The following ZNF638 variants were observed in gnomAD, a reference collection of about 807,000 sequenced individuals.
The protein encoded by ZNF638 is zinc finger protein 638, also known as CTCL tumor antigen se33-1.
A neutral mutation model predicts 195.6 loss-of-function variants in ZNF638; 46 were observed. The ratio of observed to expected loss-of-function variants is 0.24; its 90% CI spans 0.19 to 0.30. ZNF638 has a LOEUF of 0.30. Ranked by LOEUF, ZNF638 falls within the 10% of genes least tolerant of loss-of-function variation. ZNF638 has a pLI of 1.00. For missense variants in ZNF638, 2,440 were observed against 2,325.3 expected, an observed-to-expected ratio of 1.05 and a Z score of -1.01; for synonymous variants, 845 against 772.0, an observed-to-expected ratio of 1.09 and a Z score of -1.57.
chr2:71,388,551 C>T (rs2079696544), intron 10 of ZNF638: 7 of 735,130 alleles, frequency 9.5e-6, no homozygotes, highest in Non-Finnish European at 1.5e-5. Flanking sequence ...TCTCTAAGGC[C>T]GAGCAGTTTC....
chr2:71,400,615 G>A, intron 15 of ZNF638, 97 bp downstream of exon 15: 1 of 986,530 alleles, frequency 1.0e-6, no homozygotes, highest in Middle Eastern at 2.5e-4. Flanking sequence ...ATGGTATTTG[G>A]CATGTGAGAA....
At chr2:71,427,526 G>A in intron 24 of ZNF638, 112 bp downstream of exon 24, 1 of 708,280 alleles carries the variant, frequency 1.4e-6, no homozygotes, top group Non-Finnish European at 2.1e-6. Context: ...ATTGATATTA[G>A]AGGCCAACAG....
intron 10 of ZNF638, chr2:71,395,740 C>T (rs931921971): frequency 2.6e-6 from 1 of 388,798 alleles, no homozygotes; most frequent in South Asian, 2.3e-5. Context: ...GTCCCCTAGC[C>T]GCACTCATGC....
chr2:71,427,026 T>C lies in ZNF638; in HGVS notation c.5157T>C (p.Ile1719=), dbSNP rs990745974. The change falls in exon 24 of 28, where the codon ATT becomes ATC. Residue 1719 remains isoleucine, a synonymous_variant. Coordinates refer to ENST00000264447, the MANE Select transcript of ZNF638 (RefSeq NM_014497.5). ...GNEGDTVRDS[I]GFISSQVPED... ...AAGGAGATACTGTAAGGGATTCCAT[T>C]GGCTTCATTTCTTCTCAGGTGCCCG... The C allele has an allele frequency of 1.9e-6, 3 of 1,613,396 alleles. No individual in the cohort carries two copies. The African/African-American group carries it at 4.0e-5, about 22-fold the overall frequency.
intron 21 of ZNF638, 57 bp downstream of exon 21, chr2:71,418,696 T>G: frequency 1.5e-6 from 2 of 1,309,760 alleles, no homozygotes; most frequent in Non-Finnish European, 2.1e-6. Context: ...CTGAATTTTA[T>G]TGCTGTATTT....
intron 23 of ZNF638, among the ~76,000 whole-genome samples, chr2:71,425,820 A>T (rs11684580): frequency 0.099 from 15,062 of 152,048 alleles, 809 homozygotes; most frequent in Non-Finnish European, 0.12. Flanking sequence ...ATCTGCCACC[A>T]CACCCAGCTA....
rs541281576 is a variant in ZNF638, at chr2:71,349,845, C to T, written c.891C>T (p.His297=). ...GTGGAACCAAGATGTCAGGCTTACA[C>T]ATTTCAGGAGGACAGTCAGTCCTTG... is the stretch of plus-strand genomic sequence containing the variant. ...VESGTKMSGL[H]ISGGQSVLEP... The change falls in exon 2 of 28, where the codon CAC becomes CAT. Residue 297 remains histidine, a synonymous_variant. Coordinates refer to ENST00000264447, the MANE Select transcript of ZNF638 (RefSeq NM_014497.5). 30 of 1,614,222 alleles carry T rather than the reference C, an allele frequency of 1.9e-5. 1 individual carries two copies. In the South Asian group the frequency reaches 3.0e-4, roughly 16 times the overall value.
chr2:71,348,742 T>C lies in ZNF638; in HGVS notation c.-202-11T>C. The C allele has an allele frequency of 6.6e-7, 1 of 1,517,604 alleles. No individual in the cohort carries two copies. The highest frequency in any genetic ancestry group is 8.8e-7 in the Non-Finnish European group (1 of 1,135,850). 94.0% of individuals were successfully genotyped at this position (1,517,604 alleles called of 1,614,324 possible). On this transcript the variant is annotated splice_polypyrimidine_tract_variant and intron_variant, in intron 1 of 27. Coordinates refer to ENST00000264447, the MANE Select transcript of ZNF638 (RefSeq NM_014497.5). The stretch of plus-strand genomic sequence containing the variant: ...GTTAAAATGATCTAATATTTGTGTT[T>C]TAACTTTCAGCTTTGTGTTATTCTT...
At chr2:71,331,981 T>C (rs1654477390) in intron 1 of ZNF638, 106 bp downstream of exon 1, 3 of 952,592 alleles carry the variant, frequency 3.1e-6, no homozygotes, top group Admixed American at 1.2e-4. Context: ...TGTATCTGTG[T>C]CGCAGCGGCT....
intron 2 of ZNF638, among the ~76,000 whole-genome samples, chr2:71,354,741 A>C (rs967710452): frequency 6.6e-6 from 1 of 152,058 alleles, no homozygotes; most frequent in Non-Finnish European, 1.5e-5. Flanking sequence ...GTCTCAAAAA[A>C]AAAAGAAAAG....
chr2:71,366,133 CGAG>C (rs1256743182), intron 6 of ZNF638, among the ~76,000 whole-genome samples: 5 of 152,196 alleles, frequency 3.3e-5, no homozygotes, highest in African/African-American at 1.2e-4. Context: ...GTGGATCGCT[CGAG>C]CTTAAGAATT....
At chr2:71,429,951 G>C (rs554834816) in intron 25 of ZNF638, among the ~76,000 whole-genome samples, 71 of 152,058 alleles carry the variant, frequency 4.7e-4, no homozygotes, top group Non-Finnish European at 8.4e-4. Context: ...TCAGTAATTA[G>C]GTTCTCGCAT....
At chr2:71,383,404 C>T (rs1006926181) in intron 10 of ZNF638, among the ~76,000 whole-genome samples, 13 of 152,104 alleles carry the variant, frequency 8.5e-5, no homozygotes, top group East Asian at 3.9e-4. Context: ...AGAATTTGAA[C>T]GCAAAACTTT....
At chr2:71,343,800 A>C (rs1033015006) in intron 1 of ZNF638, among the ~76,000 whole-genome samples, 3 of 152,106 alleles carry the variant, frequency 2.0e-5, no homozygotes, top group African/African-American at 7.2e-5. Context: ...AAAAAAACTC[A>C]CGTTTTCCTG....
At chr2:71,345,313 A>C (rs2078831860) in intron 1 of ZNF638, among the ~76,000 whole-genome samples, 5 of 152,212 alleles carry the variant, frequency 3.3e-5, no homozygotes, top group Admixed American at 3.3e-4. Flanking sequence ...AATTTCATTC[A>C]CAAAGAAAAG....
chr2:71,355,806 T>C (rs778514064), intron 3 of ZNF638, 26 bp downstream of exon 3: 2 of 1,392,800 alleles, frequency 1.4e-6, no homozygotes, highest in East Asian at 4.8e-5. Context: ...TCCTTTATTA[T>C]AGATAGCATA....
intron 3 of ZNF638, among the ~76,000 whole-genome samples, chr2:71,356,431 T>G (rs1396094616): frequency 6.6e-6 from 1 of 152,206 alleles, no homozygotes; most frequent in Non-Finnish European, 1.5e-5. Context: ...GCCACTAGAC[T>G]GAGAGTAACG....
At chr2:71,383,755 T>TC (rs2079578728) in intron 10 of ZNF638, among the ~76,000 whole-genome samples, 1 of 99,100 alleles carries the variant, frequency 1.0e-5, no homozygotes, top group East Asian at 2.6e-4. Flanking sequence ...TTTTTTTTTT[T>TC]CTTTTTCTTT....
rs79755449 is a variant in ZNF638 at position 71,343,675 on chromosome 2, C to T, written c.-202-5078C>T. On this transcript the variant is annotated intron_variant, in intron 1 of 27. Transcript: ENST00000264447. ...GAGGCCTTAAAAATGTAGATTCTGA[C>T]ACCCCTAAATAGAATTTCTTAACCT... Among the ~76,000 whole-genome samples the T allele has an allele frequency of 3.5e-3, 533 of 152,276 alleles. 2 individuals are homozygous for T. The highest frequency in any genetic ancestry group is 0.012 in the African/African-American group (502 of 41,550).
Sources: gnomAD v4.1 joint callset for allele counts (sites outside exome capture counted in the v4.1 genomes callset) on GRCh38, gnomAD v4.1.1 for gene constraint, MANE v1.5 for transcripts, NCBI Gene and HGNC (gene_info 2026-07-23, HGNC 2026-07-21) for gene names.